Variants in FANCD2OS observed in about 807,000 individuals in gnomAD.
The protein encoded by FANCD2OS is FANCD2 opposite strand, also known as FANCD2 opposite strand protein.
A neutral mutation model predicts 13.2 loss-of-function variants in FANCD2OS; 11 were observed. The ratio of observed to expected loss-of-function variants is 0.83; its 90% CI spans 0.52 to 1.38. FANCD2OS has a LOEUF of 1.38. FANCD2OS is among the 40% of genes most tolerant of loss of function. FANCD2OS has a pLI of 0.00. For missense variants in FANCD2OS, 217 were observed against 213.9 expected, an observed-to-expected ratio of 1.01 and a Z score of -0.09; for synonymous variants, 69 against 84.5, an observed-to-expected ratio of 0.82 and a Z score of 1.01.
intron 2 of FANCD2OS, among the ~76,000 whole-genome samples, chr3:10,096,687 A>G (rs1694985964): frequency 6.6e-6 from 1 of 152,196 alleles, no homozygotes; most frequent in African/African-American, 2.4e-5. Context: ...GCACCAAAAC[A>G]TGCCATTGAT....
At chr3:10,087,011 TA>T in intron 2 of FANCD2OS, 1 of 1,055,752 alleles carries the variant, frequency 9.5e-7, no homozygotes, top group Non-Finnish European at 1.5e-6. Context: ...CACCTGAAAA[TA>T]AGGAGGATTC....
At chr3:10,097,263 C>G (rs960989255) in intron 2 of FANCD2OS, among the ~76,000 whole-genome samples, 2 of 152,122 alleles carry the variant, frequency 1.3e-5, no homozygotes, top group African/African-American at 2.4e-5. Context: ...TATCAGGAGA[C>G]AGGGTTTTGA....
intron 2 of FANCD2OS, among the ~76,000 whole-genome samples, chr3:10,082,234 G>A (rs908290662): frequency 7.2e-5 from 11 of 152,016 alleles, no homozygotes; most frequent in African/African-American, 1.4e-4. Flanking sequence ...GCTCTCCACC[G>A]TCTTTTTCCC....
At chr3:10,085,155 A>T (rs1694105880) in intron 2 of FANCD2OS, among the ~76,000 whole-genome samples, 1 of 152,200 alleles carries the variant, frequency 6.6e-6, no homozygotes, top group Non-Finnish European at 1.5e-5. Context: ...TTTGAAGAAG[A>T]CTACATATCT....
At chr3:10,103,515 C>T (rs1003628576), downstream of FANCD2OS, among the ~76,000 whole-genome samples, 1 of 152,152 alleles carries the variant, frequency 6.6e-6, no homozygotes, top group South Asian at 2.1e-4. Context: ...TTTGAGGCTG[C>T]AGTGAGCCAA....
chr3:10,090,652 G>A (rs982268437), intron 2 of FANCD2OS, among the ~76,000 whole-genome samples: 1 of 151,888 alleles, frequency 6.6e-6, no homozygotes, highest in Non-Finnish European at 1.5e-5. Context: ...TAGAGACAGG[G>A]TTTCACCATG....
chr3:10,098,124 A>G (rs1695087026), downstream of FANCD2OS, among the ~76,000 whole-genome samples: 1 of 152,200 alleles, frequency 6.6e-6, no homozygotes, highest in South Asian at 2.1e-4. Context: ...AGTCAATTAT[A>G]TATGAAATAT....
rs1434069831 is a variant in FANCD2OS, at chr3:10,090,386, G to T, written c.*44-8855C>A. ...TGGCACAGCAGCAGACTCGCAGCAGGTGAGTAAGATAATAGTCACTTCAAG... is the reference window on the plus strand; with the variant it reads ...TGGCACAGCAGCAGACTCGCAGCAGTTGAGTAAGATAATAGTCACTTCAAG... On this transcript the variant is annotated intron_variant, in intron 2 of 2. Coordinates refer to the FANCD2OS transcript ENST00000524279. 3.8e-6 allele frequency: 6 copies of T among 1,598,768 alleles called. No homozygotes were observed. The highest frequency in any genetic ancestry group is 1.1e-5 in the South Asian group (1 of 90,800).
chr3:10,095,430 G>T, intron 2 of FANCD2OS: 1 of 688,162 alleles, frequency 1.5e-6, no homozygotes. Flanking sequence ...GTTGCTCCTT[G>T]AGATTGGGCA....
At chr3:10,096,317 T>C (rs1381310677) in intron 2 of FANCD2OS, 1 of 1,613,860 alleles carries the variant, frequency 6.2e-7, no homozygotes, top group Admixed American at 1.7e-5. Flanking sequence ...GTTATTTATT[T>C]CCATTCAGAT....
chr3:10,096,924 T>C (rs927830131), intron 2 of FANCD2OS, among the ~76,000 whole-genome samples: 1 of 152,208 alleles, frequency 6.6e-6, no homozygotes, highest in Non-Finnish European at 1.5e-5. Flanking sequence ...TAGGTTCTTT[T>C]CTATTTTCCT....
intron 2 of FANCD2OS, chr3:10,093,388 C>T: frequency 7.5e-7 from 1 of 1,337,838 alleles, no homozygotes; most frequent in Non-Finnish European, 1.1e-6. Context: ...GAGAGGACCT[C>T]AGCTGAGATA....
downstream of FANCD2OS, chr3:10,101,467 C>T (rs1459815470): frequency 1.9e-6 from 1 of 526,042 alleles, no homozygotes; most frequent in African/African-American, 1.9e-5. Flanking sequence ...CTCACTGCAA[C>T]CTCCATCTCC....
chr3:10,100,650 T>A (rs1014732666), downstream of FANCD2OS, among the ~76,000 whole-genome samples: 4 of 152,206 alleles, frequency 2.6e-5, no homozygotes, highest in African/African-American at 9.6e-5. Flanking sequence ...GGGATTACTT[T>A]GGCGTGAGCC....
chr3:10,081,716 C>T (rs1371635035), intron 2 of FANCD2OS, among the ~76,000 whole-genome samples: 1 of 152,056 alleles, frequency 6.6e-6, no homozygotes, highest in African/African-American at 2.4e-5. Context: ...CAGATGTGGC[C>T]ATCTGTTCCT....
chr3:10,107,476 CAG>C, intron 1 of FANCD2OS, among the ~76,000 whole-genome samples: 1 of 151,936 alleles, frequency 6.6e-6, no homozygotes, highest in South Asian at 2.1e-4. Flanking sequence ...TCAGTAGAGA[CAG>C]GGTTTCACCG....
At position 10,104,028 on chromosome 3, in the gene FANCD2OS, A is replaced by G. The variant is rs191466101; in HGVS notation, c.*213T>C. On this transcript the variant is annotated 3_prime_UTR_variant, in exon 2 of 2. Coordinates refer to ENST00000450660, the MANE Select transcript of FANCD2OS (RefSeq NM_001164839.2). ...TGCTAGTTTGACTCTAAATGGTTCA[A>G]CCTTACAATGGGAATGTTCTTCCTT... 1.6e-5 allele frequency: 9 copies of G among 563,576 alleles called. No homozygotes were observed. The Admixed American group carries it at 2.5e-4, about 16-fold the overall frequency. 34.9% of individuals were successfully genotyped at this position (563,576 alleles called of 1,614,324 possible). A position where few individuals can be genotyped will look rare whatever the true frequency, so the allele number is the denominator to read the frequency against.
chr3:10,088,782 T>C (rs760588840), intron 2 of FANCD2OS: 3 of 1,603,808 alleles, frequency 1.9e-6, no homozygotes, highest in South Asian at 1.1e-5. Flanking sequence ...TGTAGTTGTA[T>C]TCTACTTTGT....
downstream of FANCD2OS, chr3:10,099,281 G>A (rs184093842): frequency 7.9e-5 from 100 of 1,267,568 alleles, no homozygotes; most frequent in African/African-American, 1.3e-3. Context: ...AAGTTCTTAC[G>A]CTTTTTTGTG....
Sources: gnomAD v4.1 joint callset for allele counts (sites outside exome capture counted in the v4.1 genomes callset) on GRCh38, gnomAD v4.1.1 for gene constraint, MANE v1.5 for transcripts, NCBI Gene and HGNC (gene_info 2026-07-23, HGNC 2026-07-21) for gene names.